The following DNER variants were observed in gnomAD, a reference collection of about 807,000 sequenced individuals.
DNER encodes the protein delta/notch like EGF repeat containing, also known as delta and Notch-like epidermal growth factor-related receptor.
In DNER, 33 loss-of-function variants were observed where a neutral mutation model predicts 78.2. That is an observed-to-expected ratio of 0.42 (90% CI 0.32 to 0.56). The LOEUF (loss-of-function observed/expected upper bound fraction) is 0.56. Ranked by LOEUF, DNER falls within the 20% of genes least tolerant of loss-of-function variation. The pLI, the probability that DNER is intolerant of heterozygous loss-of-function variation, is 0.11. For synonymous variants in DNER, 417 were observed against 384.8 expected (o/e 1.08, Z -0.98); for missense variants, 918 against 975.3 (o/e 0.94, Z 0.78).
intron 1 of DNER, among the ~76,000 whole-genome samples, chr2:229,676,436 T>C (rs961023656): frequency 3.9e-5 from 6 of 152,352 alleles, no homozygotes; most frequent in Middle Eastern, 3.4e-3. Flanking sequence ...TAAATCATAG[T>C]TGAATAAGGT....
In DNER at chr2:229,591,017, G is replaced by A. The variant is rs1407989515; in HGVS notation, c.585+563C>T. Among the ~76,000 whole-genome samples the A allele has an allele frequency of 2.0e-5, 3 of 152,116 alleles. No homozygotes were observed. Among genetic ancestry groups the A allele is most frequent in the East Asian group, 1.9e-4 (1 of 5,180 alleles). On this transcript the variant is annotated intron_variant, in intron 2 of 12. Coordinates refer to ENST00000341772, the MANE Select transcript of DNER (RefSeq NM_139072.4). The surrounding 1 kb of genome is among the most constrained non-coding windows in gnomAD (Gnocchi z 4.6). ...ACACACTGGCTCCCCTTTGCCTTCCGCCATGATTGTAAGCTTCCAGAGGCT... is the reference window on the plus strand; with the variant it reads ...ACACACTGGCTCCCCTTTGCCTTCCACCATGATTGTAAGCTTCCAGAGGCT...
At chr2:229,570,155 T>C (rs1445599230) in intron 4 of DNER, among the ~76,000 whole-genome samples, 5 of 152,228 alleles carry the variant, frequency 3.3e-5, no homozygotes, top group Non-Finnish European at 4.4e-5. Flanking sequence ...TCCTCCTGAC[T>C]ATTTACCAGG....
In DNER at chr2:229,528,964, G is replaced by A. The variant is rs150162793; in HGVS notation, c.994-16028C>T. Among the ~76,000 whole-genome samples, 540 of 152,268 alleles carry A rather than the reference G, an allele frequency of 3.5e-3. 4 individuals are homozygous for A. Among genetic ancestry groups the A allele is most frequent in the African/African-American group, 0.012 (513 of 41,538 alleles). On this transcript the variant is annotated intron_variant, in intron 5 of 12. Coordinates refer to ENST00000341772, the MANE Select transcript of DNER (RefSeq NM_139072.4). Reference sequence around the variant, plus strand: ...ACCAGGGCATAGCAGTGGGACTGACGTCTCATTAGCAGTCTGTGGATTTCA... The same window carrying A: ...ACCAGGGCATAGCAGTGGGACTGACATCTCATTAGCAGTCTGTGGATTTCA...
intron 1 of DNER, among the ~76,000 whole-genome samples, chr2:229,688,109 G>A (rs1216790595): frequency 1.3e-5 from 2 of 152,220 alleles, no homozygotes; most frequent in Admixed American, 6.5e-5. Flanking sequence ...CACCAGAGAA[G>A]TACAATCGGG....
chr2:229,534,048 G>T (rs191003556), intron 5 of DNER, among the ~76,000 whole-genome samples: 3 of 152,274 alleles, frequency 2.0e-5, no homozygotes, highest in Admixed American at 2.0e-4. Context: ...ACCCATTCAT[G>T]GGCAAAAGAT....
chr2:229,661,469 A>G (rs942555865), intron 1 of DNER, among the ~76,000 whole-genome samples: 7 of 152,282 alleles, frequency 4.6e-5, no homozygotes, highest in African/African-American at 1.7e-4. Context: ...ATTTTAACTC[A>G]CCATTAGGAA....
At chr2:229,609,080 G>A (rs6745606) in intron 1 of DNER, among the ~76,000 whole-genome samples, 6,850 of 152,084 alleles carry the variant, frequency 0.045, 461 homozygotes, top group African/African-American at 0.15. Context: ...AAAATTAGCC[G>A]GGCATGGTGG....
At chr2:229,396,347 T>G (rs1693141977) in intron 10 of DNER, among the ~76,000 whole-genome samples, 1 of 152,242 alleles carries the variant, frequency 6.6e-6, no homozygotes, top group South Asian at 2.1e-4. Context: ...TCAAGATTTT[T>G]TCAGTAATTT....
Position 229,714,298 on chromosome 2 carries a change from C to G in DNER, c.126G>C (p.Leu42=), listed in dbSNP as rs1261306824. ...GCGCGGCGCACGGCCCGGGCGCAGA[C>G]AGGGGCGCGGCGGGCACCGGGTTGG... ...SLANPVPAAP[L]SAPGPCAAQP... Residue 42 remains leucine (L), a synonymous_variant, in exon 1 of 13, where the codon CTG becomes CTC. Transcript: ENST00000341772. The G allele has an allele frequency of 4.5e-6, 6 of 1,320,710 alleles. No individual in the cohort carries two copies. In the South Asian group the frequency reaches 6.4e-5, roughly 14 times the overall value. 81.8% of individuals were successfully genotyped at this position (1,320,710 alleles called of 1,614,324 possible). A position where few individuals can be genotyped will look rare whatever the true frequency, so the allele number is the denominator to read the frequency against.
At chr2:229,676,571 T>G (rs1699304391) in intron 1 of DNER, among the ~76,000 whole-genome samples, 1 of 152,190 alleles carries the variant, frequency 6.6e-6, no homozygotes, top group East Asian at 1.9e-4. Context: ...AGTAAAGGAC[T>G]GTTCTTGCAG....
intron 7 of DNER, among the ~76,000 whole-genome samples, chr2:229,464,811 A>C (rs1001731507): frequency 6.6e-6 from 1 of 152,144 alleles, no homozygotes; most frequent in African/African-American, 2.4e-5. Flanking sequence ...GGGGAGAGAG[A>C]GCCATGTGAG....
rs138912295 is a variant in DNER at position 229,556,079 on chromosome 2, T to C, written c.848-8987A>G. On this transcript the variant is annotated intron_variant, in intron 4 of 12. Coordinates refer to ENST00000341772, the MANE Select transcript of DNER (RefSeq NM_139072.4). ...GACAAGGCTTTCTTCCAATGATTAG[T>C]TTTAAAGTCCTATTTAACTATTATA... Among the ~76,000 whole-genome samples the C allele has an allele frequency of 7.9e-5, 12 of 152,340 alleles. No individual in the cohort carries two copies. In the East Asian group the frequency reaches 1.9e-3, roughly 24 times the overall value.
intron 1 of DNER, among the ~76,000 whole-genome samples, chr2:229,654,879 A>G (rs1286166647): frequency 2.6e-5 from 4 of 152,156 alleles, no homozygotes; most frequent in African/African-American, 9.7e-5. Context: ...TTCATCAGTC[A>G]AAAGGTCAAT....
intron 10 of DNER, among the ~76,000 whole-genome samples, chr2:229,405,218 A>G (rs972626223): frequency 1.3e-5 from 2 of 152,178 alleles, no homozygotes; most frequent in Non-Finnish European, 2.9e-5. Flanking sequence ...CAACACTAAA[A>G]TGATATTTTT....
At chr2:229,491,188 T>C (rs1426359505) in intron 6 of DNER, among the ~76,000 whole-genome samples, 4 of 152,222 alleles carry the variant, frequency 2.6e-5, no homozygotes, top group Non-Finnish European at 4.4e-5. Flanking sequence ...GCTGGGCATA[T>C]TCCTGCATCA....
intron 4 of DNER, among the ~76,000 whole-genome samples, chr2:229,548,911 T>C (rs74729997): frequency 0.014 from 2,179 of 152,192 alleles, 52 homozygotes; most frequent in African/African-American, 0.049. Context: ...TATATGTACA[T>C]AGCTACCATA....
chr2:229,502,779 C>T (rs967806690), intron 6 of DNER, among the ~76,000 whole-genome samples: 4 of 152,178 alleles, frequency 2.6e-5, no homozygotes, highest in Non-Finnish European at 4.4e-5. Context: ...AGAAATAGGA[C>T]AGGTAACTGA....
At chr2:229,407,794 G>A (rs1372185560) in intron 9 of DNER, among the ~76,000 whole-genome samples, 2 of 152,200 alleles carry the variant, frequency 1.3e-5, no homozygotes, top group African/African-American at 4.8e-5. Flanking sequence ...GAACTGCAGG[G>A]GAGAGGGGAA....
chr2:229,607,780 TG>T (rs1392321447), intron 1 of DNER, among the ~76,000 whole-genome samples: 1 of 151,986 alleles, frequency 6.6e-6, no homozygotes, highest in Non-Finnish European at 1.5e-5. Flanking sequence ...CCCAGCACTT[TG>T]GGGGGCCGAG....
Sources: allele counts gnomAD v4.1 joint callset (sites outside exome capture counted in the v4.1 genomes callset), GRCh38; gene constraint gnomAD v4.1.1; non-coding constraint Gnocchi (gnomAD v3.1); transcripts MANE v1.5; gene names NCBI Gene and HGNC (gene_info 2026-07-23, HGNC 2026-07-21).